Variants in PREX2 observed in about 807,000 individuals in gnomAD.
The protein encoded by PREX2 is phosphatidylinositol 3,4,5-trisphosphate-dependent Rac exchanger 2 protein.
A neutral mutation model predicts 203.2 loss-of-function variants in PREX2; 107 were observed. The ratio of observed to expected loss-of-function variants is 0.53; its 90% CI spans 0.45 to 0.62. The LOEUF (loss-of-function observed/expected upper bound fraction) is 0.62, where lower values mean the gene tolerates loss of function less well. Among genes scored for constraint, PREX2 ranks in the 20% least tolerant of loss-of-function variants. The pLI is 0.00. For synonymous variants in PREX2, 672 were observed against 663.6 expected (o/e 1.01, Z -0.19); for missense variants, 1,777 against 1,955.9 (o/e 0.91, Z 1.72).
At chr8:68,109,742 T>A in intron 25 of PREX2, 119 bp downstream of exon 25, 1 of 782,746 alleles carries the variant, frequency 1.3e-6, no homozygotes, top group Non-Finnish European at 2.1e-6. Flanking sequence ...TTGTGCTGAT[T>A]ATATAGATCC....
At chr8:68,123,436 A>G (rs1810819167) in intron 30 of PREX2, among the ~76,000 whole-genome samples, 1 of 152,072 alleles carries the variant, frequency 6.6e-6, no homozygotes, top group African/African-American at 2.4e-5. Flanking sequence ...TTAAAAGATC[A>G]ATGAATCTAG....
intron 1 of PREX2, among the ~76,000 whole-genome samples, chr8:67,978,238 C>G (rs368343877): frequency 6.6e-6 from 1 of 152,112 alleles, no homozygotes; most frequent in African/African-American, 2.4e-5. Context: ...GCTACAGAAG[C>G]CTTCTGTGTT....
intron 35 of PREX2, among the ~76,000 whole-genome samples, chr8:68,185,321 C>T (rs1028859490): frequency 6.6e-6 from 1 of 152,048 alleles, no homozygotes; most frequent in Non-Finnish European, 1.5e-5. Flanking sequence ...CTTAGCCAGC[C>T]TTCTCTCTCT....
intron 18 of PREX2, 121 bp from the exon 19 acceptor site, chr8:68,087,603 A>G (rs879515408): frequency 1.3e-5 from 10 of 774,810 alleles, no homozygotes; most frequent in African/African-American, 8.5e-5. Flanking sequence ...CTAGCCCAAC[A>G]TCTTTCACAC....
At chr8:68,141,274 G>T (rs1016858960) in intron 33 of PREX2, among the ~76,000 whole-genome samples, 1 of 152,140 alleles carries the variant, frequency 6.6e-6, no homozygotes, top group Admixed American at 6.5e-5. Context: ...CCTTTTCAAT[G>T]GTCATATGGG....
chr8:68,138,893 G>T (rs1001475990), intron 33 of PREX2, among the ~76,000 whole-genome samples: 2 of 152,096 alleles, frequency 1.3e-5, no homozygotes, highest in East Asian at 3.9e-4. Context: ...AGGCTAGAAG[G>T]TGTAAGCTTC....
intron 11 of PREX2, among the ~76,000 whole-genome samples, chr8:68,062,755 T>C (rs940674213): frequency 4.5e-4 from 67 of 149,162 alleles, no homozygotes; most frequent in African/African-American, 1.6e-3. Flanking sequence ...TTTTTTTTTT[T>C]ACTTTGAAAT....
chr8:67,993,400 CT>C lies in PREX2; in HGVS notation c.142-24435del, dbSNP rs5892121. Among the ~76,000 whole-genome samples the C allele has an allele frequency of 1.0e-3, 111 of 108,204 alleles. 2 individuals are homozygous for C. The highest frequency in any genetic ancestry group is 5.3e-3 in the Middle Eastern group (1 of 190). 71.0% of individuals were successfully genotyped at this position (108,204 alleles called of 152,430 possible). ...AAAAATTTTACAGTATTACTTCAGT[CT>C]TTTTTTTTTTCTTTTTTTTTTTTGA... is the stretch of plus-strand genomic sequence containing the variant. On this transcript the variant is annotated intron_variant, in intron 1 of 39. Transcript: ENST00000288368.
chr8:68,069,901 A>G lies in PREX2; in HGVS notation c.1493+17A>G. On this transcript the variant is annotated intron_variant, in intron 13 of 39. Transcript: ENST00000288368. ...AGTGATAAGGTGAGTCTGGTTTTTA[A>G]GTTCTGGGAAACTTAAATGGAAATA... is the stretch of plus-strand genomic sequence containing the variant. The G allele has an allele frequency of 6.9e-7, 1 of 1,450,576 alleles. No homozygotes were observed. Among genetic ancestry groups the G allele is most frequent in the Non-Finnish European group, 9.5e-7 (1 of 1,047,492 alleles). 89.9% of individuals were successfully genotyped at this position (1,450,576 alleles called of 1,614,324 possible).
intron 38 of PREX2, among the ~76,000 whole-genome samples, chr8:68,218,014 G>T (rs554569649): frequency 3.9e-5 from 6 of 152,230 alleles, no homozygotes; most frequent in Non-Finnish European, 8.8e-5. Flanking sequence ...TTTATGTAAG[G>T]AACAAGTAAA....
chr8:68,152,552 A>G (rs1323098344), intron 34 of PREX2, among the ~76,000 whole-genome samples: 5 of 152,150 alleles, frequency 3.3e-5, no homozygotes, highest in African/African-American at 1.2e-4. Context: ...AAATGCTTTC[A>G]AATTCATAGT....
At chr8:68,044,382 G>T (rs554596403) in intron 7 of PREX2, 105 bp from the exon 8 acceptor site, 7 of 727,850 alleles carry the variant, frequency 9.6e-6, no homozygotes, top group Non-Finnish European at 1.2e-5. Flanking sequence ...TGATATTGTC[G>T]ATTGAATTGG....
intron 37 of PREX2, among the ~76,000 whole-genome samples, chr8:68,214,727 A>C (rs1341074146): frequency 6.6e-6 from 1 of 152,222 alleles, no homozygotes; most frequent in African/African-American, 2.4e-5. Context: ...GAAAAGTGGC[A>C]GCATTCCTGA....
intron 31 of PREX2, among the ~76,000 whole-genome samples, chr8:68,129,896 A>G (rs897551907): frequency 6.6e-6 from 1 of 151,348 alleles, no homozygotes; most frequent in Non-Finnish European, 1.5e-5. Context: ...CAAAAAAAAA[A>G]AAACCCTCAA....
intron 18 of PREX2, among the ~76,000 whole-genome samples, chr8:68,085,769 A>G (rs919973314): frequency 3.3e-5 from 5 of 152,212 alleles, no homozygotes; most frequent in African/African-American, 1.2e-4. Flanking sequence ...AATTTCGATT[A>G]AGGAAAAAAT....
chr8:68,066,281 C>CT (rs1460806290), intron 11 of PREX2, among the ~76,000 whole-genome samples: 2 of 151,974 alleles, frequency 1.3e-5, no homozygotes, highest in African/African-American at 4.8e-5. Flanking sequence ...CTATTTTTAG[C>CT]TTTTTGAGGA....
chr8:68,007,217 ATAAT>A (rs533987588), intron 1 of PREX2, among the ~76,000 whole-genome samples: 7 of 152,196 alleles, frequency 4.6e-5, no homozygotes, highest in Non-Finnish European at 1.0e-4. Flanking sequence ...ATTATTGATA[ATAAT>A]TGTTATCCTA....
At chr8:68,204,433 C>G (rs548300664) in intron 37 of PREX2, among the ~76,000 whole-genome samples, 153 of 152,264 alleles carry the variant, frequency 1.0e-3, no homozygotes, top group African/African-American at 3.5e-3. Context: ...GTCCCATTAT[C>G]TTTAATGAGA....
In PREX2 at chr8:67,998,550, G is replaced by A. The variant is rs562045011; in HGVS notation, c.142-19296G>A. The stretch of plus-strand genomic sequence containing the variant: ...TTTGGGAGGCCAAGGCAGGAAGATC[G>A]CTTGAGGTGAGTTCAAGACCAGCCT... On this transcript the variant is annotated intron_variant, in intron 1 of 39. Coordinates refer to ENST00000288368, the MANE Select transcript of PREX2 (RefSeq NM_024870.4). 9.2e-5 allele frequency among the ~76,000 whole-genome samples: 14 copies of A among 152,264 alleles called. No individual in the cohort carries two copies. In the South Asian group the frequency reaches 2.9e-3, roughly 32 times the overall value.
Sources: gnomAD v4.1 joint callset for allele counts (sites outside exome capture counted in the v4.1 genomes callset) on GRCh38, gnomAD v4.1.1 for gene constraint, MANE v1.5 for transcripts, NCBI Gene and HGNC (gene_info 2026-07-23, HGNC 2026-07-21) for gene names.